HOOK2: variants seen among roughly 807,000 people sequenced by gnomAD.
HOOK2 encodes hook microtubule tethering protein 2, also known as protein Hook homolog 2.
In HOOK2, 108 loss-of-function variants were observed where a neutral mutation model predicts 111.9. The ratio of observed to expected loss-of-function variants is 0.96; its 90% confidence interval spans 0.83 to 1.13. HOOK2 has a LOEUF of 1.13. Among genes scored for constraint, HOOK2 ranks in the 50% most tolerant of loss-of-function variants. HOOK2 has a pLI of 0.00. For synonymous variants in HOOK2, 405 were observed against 394.3 expected, an observed-to-expected ratio of 1.03 and a Z score of -0.32; for missense variants, 978 against 951.3, an observed-to-expected ratio of 1.03 and a Z score of -0.37.
chr19:12,780,827 A>AAAAGATCGG (rs1968593968), upstream of HOOK2, among the ~76,000 whole-genome samples: 1 of 137,140 alleles, frequency 7.3e-6, no homozygotes, highest in African/African-American at 2.7e-5. Flanking sequence ...AAATACAAAA[A>AAAAGATCGG]ATTAGCCGGG....
At position 12,790,308 on chromosome 19, in the gene HOOK2, C is replaced by A. The variant is rs1321457965; in HGVS notation, n.42-16083G>T. 6.6e-6 allele frequency among the ~76,000 whole-genome samples: 1 copy of A among 152,166 alleles called. No individual in the cohort carries two copies. The highest frequency in any genetic ancestry group is 1.5e-5 in the Non-Finnish European group (1 of 68,022). Reference sequence around the variant, plus strand: ...TCCGAGTGACGGAGACAGGGCCGGGCTCCTTCCCCCGGGGCTGTTGCCACA... The same window carrying A: ...TCCGAGTGACGGAGACAGGGCCGGGATCCTTCCCCCGGGGCTGTTGCCACA... On this transcript the variant is annotated intron_variant and non_coding_transcript_variant, in intron 3 of 3. Transcript: ENST00000589765. The surrounding 1 kb of genome is among the most constrained non-coding windows in gnomAD (Gnocchi z 7.2).
At chr19:12,766,078 C>T in intron 15 of HOOK2, 25 bp downstream of exon 15, 2 of 1,603,402 alleles carry the variant, frequency 1.2e-6, no homozygotes, top group Non-Finnish European at 8.5e-7. Flanking sequence ...CCCTGCTCCG[C>T]GCAGGTAGGT....
intron 3 of HOOK2, among the ~76,000 whole-genome samples, chr19:12,773,415 C>CT (rs1203212289): frequency 3.3e-5 from 5 of 151,520 alleles, no homozygotes; most frequent in African/African-American, 1.2e-4. Context: ...CAATCGACTA[C>CT]TTTTTTTTAT....
intron 18 of HOOK2, 44 bp downstream of exon 18, chr19:12,765,641 AATATC>A (rs1192938369): frequency 1.5e-5 from 24 of 1,608,360 alleles, no homozygotes; most frequent in Non-Finnish European, 2.0e-5. Context: ...ACTCCCCACT[AATATC>A]AAATCCATGC....
chr19:12,776,790 G>C (rs1397802731), upstream of HOOK2, among the ~76,000 whole-genome samples: 3 of 151,876 alleles, frequency 2.0e-5, no homozygotes, highest in Non-Finnish European at 4.4e-5. Flanking sequence ...CGAGACTGCA[G>C]TGAGCCGTGA....
chr19:12,768,613 AT>A (rs1968224647), intron 11 of HOOK2, among the ~76,000 whole-genome samples: 1 of 151,822 alleles, frequency 6.6e-6, no homozygotes, highest in Non-Finnish European at 1.5e-5. Context: ...TGTTCAATGG[AT>A]TTTCTTTTTT....
In HOOK2 at chr19:12,790,422, G is replaced by A. The variant is rs1298093919; in HGVS notation, n.42-16197C>T. Among the ~76,000 whole-genome samples the A allele has an allele frequency of 6.6e-6, 1 of 152,260 alleles. No homozygotes were observed. Among genetic ancestry groups the A allele is most frequent in the African/African-American group, 2.4e-5 (1 of 41,470 alleles). On this transcript the variant is annotated intron_variant and non_coding_transcript_variant, in intron 3 of 3. Transcript: ENST00000589765. This position sits in a 1 kb window ranked among gnomAD's most constrained non-coding sequence, Gnocchi z 7.2. ...CGCCCCAGCCGTCGGGCTGGGTCCA[G>A]GCTCTAGGAGCCGACACGGTGTTGG...
intron 3 of HOOK2, 105 bp downstream of exon 3, chr19:12,774,564 A>T (rs1968435822): frequency 9.6e-7 from 1 of 1,043,712 alleles, no homozygotes; most frequent in African/African-American, 1.6e-5. Context: ...TGATCACCAG[A>T]CATCTGTCCC....
chr19:12,774,373 T>G, intron 3 of HOOK2: 1 of 465,990 alleles, frequency 2.1e-6, no homozygotes, highest in Non-Finnish European at 4.0e-6. Flanking sequence ...CTCAAAGTGT[T>G]GGGATTACAG....
At chr19:12,774,054 G>T (rs1458895193) in intron 3 of HOOK2, 2 of 155,056 alleles carry the variant, frequency 1.3e-5, no homozygotes, top group African/African-American at 2.4e-5. Context: ...CTTTTTTGTT[G>T]TCTTCACAGA....
intron 1 of HOOK2, 85 bp from the exon 2 acceptor site, chr19:12,774,982 G>T: frequency 7.5e-7 from 1 of 1,333,848 alleles, no homozygotes; most frequent in Non-Finnish European, 1.0e-6. Context: ...TCCAGTCAGC[G>T]AACCTCACAT....
At chr19:12,782,106 T>G (rs1330239304), upstream of HOOK2, among the ~76,000 whole-genome samples, 1 of 152,248 alleles carries the variant, frequency 6.6e-6, no homozygotes, top group Admixed American at 6.5e-5. Context: ...TCCTCTGGCC[T>G]TGGCCTCTCA....
intron 13 of HOOK2, 74 bp downstream of exon 13, chr19:12,767,742 C>G: frequency 7.3e-7 from 1 of 1,365,226 alleles, no homozygotes; most frequent in East Asian, 2.4e-5. Flanking sequence ...CCTAGACATG[C>G]ACTGGGACAC....
rs1968047630 is a variant in HOOK2, at chr19:12,763,239, G to A, written c.*43C>T. The A allele has an allele frequency of 6.3e-7, 1 of 1,588,950 alleles. No homozygotes were observed. The highest frequency in any genetic ancestry group is 8.6e-7 in the Non-Finnish European group (1 of 1,163,922). Reference sequence around the variant, plus strand: ...CTGGGCGCCATGTGAGCTGGAGGAAGCCAGGGTGGGTGGAGCCCAGGCTGG... The same window carrying A: ...CTGGGCGCCATGTGAGCTGGAGGAAACCAGGGTGGGTGGAGCCCAGGCTGG... On this transcript the variant is annotated 3_prime_UTR_variant, in exon 23 of 23. Transcript: ENST00000397668.
intron 3 of HOOK2, among the ~76,000 whole-genome samples, chr19:12,787,773 A>C (rs1377756158): frequency 6.6e-6 from 1 of 151,830 alleles, no homozygotes; most frequent in African/African-American, 2.4e-5. Context: ...AAACAAAAAA[A>C]GGGCCGGGCA....
At chr19:12,780,682 T>G (rs1163691911), upstream of HOOK2, among the ~76,000 whole-genome samples, 1 of 80,404 alleles carries the variant, frequency 1.2e-5, no homozygotes, top group East Asian at 3.1e-4. Context: ...TTTTTTTTTT[T>G]TGAGACAGAG....
Position 12,763,722 on chromosome 19 carries a change from G to C in HOOK2, c.1884C>G (p.Leu628=), listed in dbSNP as rs368768165. 5 of 1,614,220 alleles carry C rather than the reference G, an allele frequency of 3.1e-6. No individual in the cohort carries two copies. In the East Asian group the frequency reaches 6.7e-5, roughly 22 times the overall value. ...QRPAAGAPPE[L]HSLRTQLRER... is the part of the protein sequence containing the mutation. ...CTCGGAGCTGTGTCCTCAGGGAATG[G>C]AGTTCTGGAGGTGCCCCCGCAGCTG... Residue 628 remains leucine, a synonymous_variant, in exon 21 of 23, where the codon CTC becomes CTG. Coordinates refer to ENST00000397668, the MANE Select transcript of HOOK2 (RefSeq NM_013312.3).
At chr19:12,781,866 G>A (rs1195509038), upstream of HOOK2, among the ~76,000 whole-genome samples, 2 of 151,530 alleles carry the variant, frequency 1.3e-5, no homozygotes, top group Non-Finnish European at 2.9e-5. Flanking sequence ...TTTGAGACGG[G>A]GTCTCCTGTG....
In HOOK2 at chr19:12,792,253, C is replaced by T. The variant is rs983898357; in HGVS notation, n.42-18028G>A. On this transcript the variant is annotated intron_variant and non_coding_transcript_variant, in intron 3 of 3. Coordinates refer to the HOOK2 transcript ENST00000589765. ...ACACCCCCCAACGTGTCCCTGGGCG[C>T]TACCGGGGGGCCCCCGGCTGGGCCC... 3 of 1,502,332 alleles carry T rather than the reference C, an allele frequency of 2.0e-6. No homozygotes were observed. The African/African-American group carries it at 4.2e-5, about 21-fold the overall frequency. 93.1% of individuals were successfully genotyped at this position (1,502,332 alleles called of 1,614,324 possible). A position where few individuals can be genotyped will look rare whatever the true frequency, so the allele number is the denominator to read the frequency against.
Sources: allele counts gnomAD v4.1 joint callset (sites outside exome capture counted in the v4.1 genomes callset), GRCh38; gene constraint gnomAD v4.1.1; non-coding constraint Gnocchi (gnomAD v3.1); transcripts MANE v1.5; gene names NCBI Gene and HGNC (gene_info 2026-07-23, HGNC 2026-07-21).